The following FBXO34 variants were observed in gnomAD, a reference collection of about 807,000 sequenced individuals.
FBXO34 encodes the protein F-box protein 34, also known as F-box only protein 34.
A neutral mutation model predicts 24.5 loss-of-function variants in FBXO34; 12 were observed. The observed-to-expected ratio is 0.49, with a 90% CI of 0.31 to 0.79. The LOEUF (loss-of-function observed/expected upper bound fraction) is 0.79. Ranked by LOEUF, FBXO34 falls within the 30% of genes least tolerant of loss-of-function variation. The pLI is 0.04. For synonymous variants in FBXO34, 320 were observed against 311.9 expected, an observed-to-expected ratio of 1.03 and a Z score of -0.27; for missense variants, 823 against 857.7, an observed-to-expected ratio of 0.96 and a Z score of 0.51.
At chr14:55,381,389 C>T in the FBXO34 span, among the ~76,000 whole-genome samples, 3 of 152,188 alleles carry the variant, frequency 2.0e-5, no homozygotes, top group Non-Finnish European at 4.4e-5. Context: ...CAAAGTTATA[C>T]ACTATAAATA....
chr14:55,368,851 T>C (rs1398465214), downstream of FBXO34: 1 of 152,324 alleles, frequency 6.6e-6, no homozygotes, highest in East Asian at 1.9e-4. Context: ...ATAGTGTGGA[T>C]GGCAGGAATT....
chr14:55,296,711 T>C (rs923365834), intron 1 of FBXO34, among the ~76,000 whole-genome samples: 1 of 152,132 alleles, frequency 6.6e-6, no homozygotes, highest in Non-Finnish European at 1.5e-5. Context: ...TCTTGATTTT[T>C]AAAAGAAAAA....
At chr14:55,432,414 GA>G in the FBXO34 span, among the ~76,000 whole-genome samples, 8 of 116,294 alleles carry the variant, frequency 6.9e-5, no homozygotes, top group South Asian at 2.6e-4. Context: ...CCGTGTCTCA[GA>G]AAAAAAAAAA....
intron 1 of FBXO34, among the ~76,000 whole-genome samples, chr14:55,311,177 A>T (rs1882724979): frequency 6.6e-6 from 1 of 152,200 alleles, no homozygotes; most frequent in African/African-American, 2.4e-5. Flanking sequence ...TGAAGCAGAT[A>T]CTTTCTTCAC....
intron 1 of FBXO34, among the ~76,000 whole-genome samples, chr14:55,321,597 A>G (rs181420498): frequency 5.3e-5 from 8 of 152,132 alleles, no homozygotes; most frequent in African/African-American, 1.9e-4. Context: ...GGATTTCACC[A>G]TGTTGGCCAG....
chr14:55,398,644 G>A, the FBXO34 span, among the ~76,000 whole-genome samples: 6 of 151,852 alleles, frequency 4.0e-5, no homozygotes, highest in South Asian at 2.1e-4. Flanking sequence ...GTGTGATTTC[G>A]ATCTTGTAAC....
rs1882258350 is a variant in FBXO34, at chr14:55,299,299, A to G, written c.-11+27762A>G. The G allele has an allele frequency of 5.1e-6, 3 of 592,404 alleles. No homozygotes were observed. The African/African-American group carries it at 5.7e-5, about 11-fold the overall frequency. The allele number at this position is 592,404 out of a possible 1,614,324, so 36.7% of individuals were successfully genotyped here. A position where few individuals can be genotyped will look rare whatever the true frequency, so the allele number is the denominator to read the frequency against. On this transcript the variant is annotated intron_variant, in intron 1 of 1. Transcript: ENST00000313833. Reference sequence around the variant, plus strand: ...CGGGCAGGATGGATGTGGTGCAGGCAGGTTCCATCGCTCTCGACTCTCACT... The same window carrying G: ...CGGGCAGGATGGATGTGGTGCAGGCGGGTTCCATCGCTCTCGACTCTCACT...
chr14:55,397,097 G>A, the FBXO34 span, among the ~76,000 whole-genome samples: 3 of 152,200 alleles, frequency 2.0e-5, no homozygotes, highest in African/African-American at 7.2e-5. Flanking sequence ...CATGCTGACT[G>A]TCCTGGACCC....
chr14:55,337,383 A>G (rs552675140), intron 1 of FBXO34, among the ~76,000 whole-genome samples: 3 of 152,356 alleles, frequency 2.0e-5, no homozygotes, highest in Non-Finnish European at 2.9e-5. Flanking sequence ...CCACAACAGT[A>G]TATCTGTGCA....
downstream of FBXO34, chr14:55,370,012 AG>A: frequency 7.6e-7 from 1 of 1,313,686 alleles, no homozygotes; most frequent in Non-Finnish European, 1.0e-6. Context: ...CCCTCACCTG[AG>A]GGGATGAGGG....
chr14:55,362,496 G>A (rs1055084700), downstream of FBXO34, among the ~76,000 whole-genome samples: 2 of 152,082 alleles, frequency 1.3e-5, no homozygotes, highest in African/African-American at 4.8e-5. Flanking sequence ...CCCACGGAGA[G>A]GTGTGACAAA....
At chr14:55,363,279 C>A (rs1300224878), downstream of FBXO34, among the ~76,000 whole-genome samples, 4 of 151,434 alleles carry the variant, frequency 2.6e-5, no homozygotes, top group Non-Finnish European at 5.9e-5. Context: ...AGGTGATCCA[C>A]CCACCTTGGC....
intron 1 of FBXO34, among the ~76,000 whole-genome samples, chr14:55,340,667 C>T (rs963483694): frequency 6.6e-6 from 1 of 152,282 alleles, no homozygotes; most frequent in East Asian, 1.9e-4. Context: ...GTGTTAGGTA[C>T]TTGGCCTAAG....
intron 1 of FBXO34, chr14:55,282,282 C>A: frequency 2.4e-6 from 1 of 413,956 alleles, no homozygotes. Context: ...CCTGAGCCAC[C>A]GCGCCCCGCC....
exon 3 of FBXO34, chr14:55,367,450 AACCCATAAGGGGC>A: frequency 6.6e-6 from 1 of 152,236 alleles, no homozygotes; most frequent in Non-Finnish European, 1.5e-5. Context: ...AGTGTAGAAG[AACCCATAAGGGGC>A]CGGGCGCGGT....
the FBXO34 span, among the ~76,000 whole-genome samples, chr14:55,429,766 CAAAAAA>C: frequency 5.7e-5 from 3 of 52,380 alleles, no homozygotes; most frequent in South Asian, 7.9e-4. Context: ...AACTCCGTCT[CAAAAAA>C]AAAAAAAAAA....
downstream of FBXO34, among the ~76,000 whole-genome samples, chr14:55,363,562 C>G (rs547528393): frequency 6.6e-6 from 1 of 152,134 alleles, no homozygotes; most frequent in Non-Finnish European, 1.5e-5. Flanking sequence ...CTCCTGACTT[C>G]AGGTGATCCA....
At chr14:55,411,904 AG>A in the FBXO34 span, 149 of 1,310,212 alleles carry the variant, frequency 1.1e-4, no homozygotes, top group Non-Finnish European at 1.5e-4. Context: ...GGCCTGGGGA[AG>A]GGGGGCTGGG....
downstream of FBXO34, among the ~76,000 whole-genome samples, chr14:55,362,448 C>T (rs1358396337): frequency 5.9e-5 from 9 of 152,110 alleles, no homozygotes; most frequent in African/African-American, 1.4e-4. Flanking sequence ...ATGACTTGCT[C>T]ATTGCAGGGT....
Sources: gnomAD v4.1 joint callset for allele counts (sites outside exome capture counted in the v4.1 genomes callset) on GRCh38, gnomAD v4.1.1 for gene constraint, MANE v1.5 for transcripts, NCBI Gene and HGNC (gene_info 2026-07-23, HGNC 2026-07-21) for gene names.